Variants in NOS1 observed in about 807,000 individuals in gnomAD.
NOS1 encodes nitric oxide synthase 1, also known as NOS type I.
A neutral mutation model predicts 164.5 loss-of-function variants in NOS1; 51 were observed. The observed-to-expected ratio is 0.31, with a 90% CI of 0.25 to 0.39. NOS1 has a LOEUF of 0.39. NOS1 is among the 10% of genes least tolerant of loss of function. The probability of loss-of-function intolerance (pLI) is 1.00; values close to 1 mark genes in which losing one functional copy is unlikely to be tolerated. For missense variants in NOS1, 1,362 were observed against 1,885.6 expected (o/e 0.72, Z 5.14); for synonymous variants, 719 against 745.8 (o/e 0.96, Z 0.59).
intron 17 of NOS1, among the ~76,000 whole-genome samples, chr12:117,247,944 T>TAAA (rs534303027): frequency 0.076 from 8,956 of 117,956 alleles, 935 homozygotes; most frequent in African/African-American, 0.24. Flanking sequence ...AGACTCCGTC[T>TAAA]AAAAAAAAAA....
chr12:117,208,329 C>A lies in NOS1; in HGVS notation c.*6980G>T, dbSNP rs1485069127. The A allele has an allele frequency of 1.6e-6, 2 of 1,288,724 alleles. No individual in the cohort carries two copies. The highest frequency in any genetic ancestry group is 2.0e-6 in the Non-Finnish European group (2 of 988,706). 79.8% of individuals were successfully genotyped at this position (1,288,724 alleles called of 1,614,324 possible). ...AGGAAGGTGCTGGAGCACAGGGACA[C>A]TTGGCAGAGATTAGCAGCATTGAGA... is the stretch of plus-strand genomic sequence containing the variant. On this transcript the variant is annotated 3_prime_UTR_variant, in exon 29 of 29. Coordinates refer to ENST00000317775, the MANE Select transcript of NOS1 (RefSeq NM_000620.5).
intron 1 of NOS1, among the ~76,000 whole-genome samples, chr12:117,354,801 C>T (rs1365396224): frequency 6.6e-6 from 1 of 152,162 alleles, no homozygotes; most frequent in Non-Finnish European, 1.5e-5. Flanking sequence ...GAGGAAGCCT[C>T]TCTTGTGGGG....
At chr12:117,319,388 T>C (rs1874810877) in intron 2 of NOS1, among the ~76,000 whole-genome samples, 1 of 152,236 alleles carries the variant, frequency 6.6e-6, no homozygotes, top group Non-Finnish European at 1.5e-5. Context: ...CTACCATGAA[T>C]GCCGCAGCTG....
At position 117,243,152 on chromosome 12, in the gene NOS1, C is replaced by A. The variant is rs1450598243; in HGVS notation, c.2962+145G>T. The A allele has an allele frequency of 4.4e-6, 4 of 914,648 alleles. No homozygotes were observed. The highest frequency in any genetic ancestry group is 5.0e-6 in the Non-Finnish European group (3 of 603,736). The allele number at this position is 914,648 out of a possible 1,614,324, so 56.7% of individuals were successfully genotyped here. ...ACTTGTTTTACTGAGTGTGGGAGAGCAGCAAAGTATTCATTTTGGTAGGAC... is the reference window on the plus strand; with the variant it reads ...ACTTGTTTTACTGAGTGTGGGAGAGAAGCAAAGTATTCATTTTGGTAGGAC... On this transcript the variant is annotated intron_variant, in intron 19 of 28. Transcript: ENST00000317775. The surrounding 1 kb of genome is among the most constrained non-coding windows in gnomAD (Gnocchi z 4.3).
At chr12:117,244,399 A>G (rs1405337662) in intron 18 of NOS1, among the ~76,000 whole-genome samples, 1 of 151,940 alleles carries the variant, frequency 6.6e-6, no homozygotes, top group African/African-American at 2.4e-5. Flanking sequence ...AGGCATGTGC[A>G]CCATGCCCAG....
At chr12:117,352,791 G>C (rs1033060139) in intron 1 of NOS1, among the ~76,000 whole-genome samples, 3 of 152,156 alleles carry the variant, frequency 2.0e-5, no homozygotes, top group Admixed American at 2.0e-4. Context: ...GGAGGTGAGG[G>C]GATAGAAACG....
At chr12:117,275,743 T>C (rs145852669) in intron 9 of NOS1, among the ~76,000 whole-genome samples, 1,687 of 152,344 alleles carry the variant, frequency 0.011, 17 homozygotes, top group Non-Finnish European at 0.015. Context: ...AAAACATCAT[T>C]ATATATCTCA....
rs193086737 is a variant in NOS1, at chr12:117,263,002, T to C, written c.2222+887A>G. Among the ~76,000 whole-genome samples, 410 of 152,272 alleles carry C rather than the reference T, an allele frequency of 2.7e-3. 1 individual carries two copies. Among genetic ancestry groups the C allele is most frequent in the Middle Eastern group, 0.02 (6 of 294 alleles). ...CTGACCTCCCAAACTCCGTGAACCA[T>C]TATTATTTCCAGGAACCATTCCTCG... On this transcript the variant is annotated intron_variant, in intron 13 of 28. Coordinates refer to ENST00000317775, the MANE Select transcript of NOS1 (RefSeq NM_000620.5).
At chr12:117,226,813 G>T (rs372186604) in intron 23 of NOS1, 43 bp from the exon 24 acceptor site, 5 of 1,502,542 alleles carry the variant, frequency 3.3e-6, no homozygotes, top group Non-Finnish European at 4.6e-6. Context: ...CACTGCTCCC[G>T]AGCACGGCCT....
chr12:117,311,286 C>T (rs574818586), intron 3 of NOS1, among the ~76,000 whole-genome samples, 180 bp downstream of exon 3: 4 of 152,242 alleles, frequency 2.6e-5, no homozygotes, highest in East Asian at 3.9e-4. Context: ...AAAACAAAGT[C>T]GAGATCCACA....
At chr12:117,339,194 C>T (rs578123987) in intron 1 of NOS1, among the ~76,000 whole-genome samples, 41 of 152,306 alleles carry the variant, frequency 2.7e-4, no homozygotes, top group African/African-American at 9.9e-4. Context: ...AGTTGACATT[C>T]TTTGCCTTGG....
Position 117,311,595 on chromosome 12 carries a change from G to A in NOS1, c.726-3C>T, listed in dbSNP as rs1185140716. On this transcript the variant is annotated splice_region_variant and splice_polypyrimidine_tract_variant and intron_variant, in intron 2 of 28. Transcript: ENST00000317775. ...TGTGTGACTTGCCGTCCAAATCTCT[G>A]AAAGGCAAGGTGGGGCAGGTGAGGA... 6 of 1,609,404 alleles carry A rather than the reference G, an allele frequency of 3.7e-6. No individual in the cohort carries two copies. The highest frequency in any genetic ancestry group is 5.1e-6 in the Non-Finnish European group (6 of 1,177,498).
intron 5 of NOS1, among the ~76,000 whole-genome samples, chr12:117,286,881 C>T (rs1566059698): frequency 6.6e-6 from 1 of 152,166 alleles, no homozygotes; most frequent in Non-Finnish European, 1.5e-5. Context: ...ATCTATCCTT[C>T]AATCATGTAC....
chr12:117,225,178 A>C (rs1481126574), intron 24 of NOS1, 41 bp from the exon 25 acceptor site: 3 of 1,578,724 alleles, frequency 1.9e-6, no homozygotes, highest in South Asian at 2.4e-5. Flanking sequence ...GCAGAGCTCA[A>C]ATCCAATCAA....
Position 117,356,519 on chromosome 12 carries a change from G to A in NOS1, c.-421+4993C>T, listed in dbSNP as rs1325602870. On this transcript the variant is annotated intron_variant, in intron 1 of 28. Transcript: ENST00000317775. The surrounding 1 kb of genome is among the most constrained non-coding windows in gnomAD (Gnocchi z 4.2). ...GTACAGGGTTTGTCTGGTGCTCACC[G>A]CTTAGCCAGACTACAGGTTTCATTA... Among the ~76,000 whole-genome samples, 1 of 152,196 alleles carries A rather than the reference G, an allele frequency of 6.6e-6. No individual in the cohort carries two copies. Among genetic ancestry groups the A allele is most frequent in the African/African-American group, 2.4e-5 (1 of 41,442 alleles).
intron 1 of NOS1, among the ~76,000 whole-genome samples, chr12:117,353,929 A>G (rs1389747345): frequency 1.3e-5 from 2 of 152,164 alleles, no homozygotes; most frequent in African/African-American, 4.8e-5. Context: ...GTGAGAATCC[A>G]CCTCTACAAA....
chr12:117,356,130 A>G lies in NOS1; in HGVS notation c.-421+5382T>C, dbSNP rs1251410988. 1.3e-5 allele frequency among the ~76,000 whole-genome samples: 2 copies of G among 152,172 alleles called. No individual in the cohort carries two copies. The highest frequency in any genetic ancestry group is 1.9e-4 in the East Asian group (1 of 5,198). On this transcript the variant is annotated intron_variant, in intron 1 of 28. Transcript: ENST00000317775. The surrounding 1 kb of genome is among the most constrained non-coding windows in gnomAD (Gnocchi z 4.2). ...CTGTTTCCTTTCCAGAGTTAAACAC[A>G]CACACTATCCCATTAAATCCTCCTA...
intron 24 of NOS1, among the ~76,000 whole-genome samples, 195 bp downstream of exon 24, chr12:117,226,488 A>G (rs1397267849): frequency 1.3e-5 from 2 of 152,180 alleles, no homozygotes; most frequent in Non-Finnish European, 2.9e-5. Context: ...GACATTGACC[A>G]GAGGACTTGC....
At chr12:117,255,024 G>A (rs1235211125) in intron 16 of NOS1, among the ~76,000 whole-genome samples, 2 of 152,084 alleles carry the variant, frequency 1.3e-5, no homozygotes, top group Non-Finnish European at 2.9e-5. Context: ...AATGGGTGCA[G>A]CACACCAGCA....
Sources: gnomAD v4.1 joint callset for allele counts (sites outside exome capture counted in the v4.1 genomes callset) on GRCh38, gnomAD v4.1.1 for gene constraint, Gnocchi (gnomAD v3.1) non-coding constraint, MANE v1.5 for transcripts, NCBI Gene and HGNC (gene_info 2026-07-23, HGNC 2026-07-21) for gene names.